Variants in PI4KA observed in about 807,000 individuals in gnomAD.
PI4KA encodes PI4-kinase alpha.
Under a neutral mutation model 271.4 loss-of-function variants are expected in PI4KA, and 122 were observed. The ratio of observed to expected loss-of-function variants is 0.45; its 90% CI spans 0.39 to 0.52. PI4KA has a LOEUF of 0.52. Among genes scored for constraint, PI4KA ranks in the 20% least tolerant of loss-of-function variants. PI4KA has a pLI of 0.00. For synonymous variants in PI4KA, 1,041 were observed against 1,078.8 expected (o/e 0.96, Z 0.69); for missense variants, 1,969 against 2,769.1 (o/e 0.71, Z 6.48).
chr22:20,794,428 G>A (rs969883124), intron 18 of PI4KA, among the ~76,000 whole-genome samples: 11 of 152,068 alleles, frequency 7.2e-5, no homozygotes, highest in African/African-American at 2.2e-4. Flanking sequence ...CTAGACACGC[G>A]GGACACACTT....
Position 20,729,397 on chromosome 22 carries a change from A to C in PI4KA, c.4598T>G (p.Ile1533Ser), listed in dbSNP as rs202017729. ...NSVANWRSKY[I>S]SLSEKQWKDN... ...CTTCCACTGCTTCTCACTCAGGCTGATGTACTTAGATCTCCAGTTGGCCAC... is the reference window on the plus strand; with the variant it reads ...CTTCCACTGCTTCTCACTCAGGCTGCTGTACTTAGATCTCCAGTTGGCCAC... The change falls in exon 39 of 55, where the codon ATC becomes AGC. Residue 1533 changes from isoleucine (I) to serine (S), a missense_variant. By Grantham distance (142) the Ile-to-Ser change is moderately radical. Coordinates refer to ENST00000255882, the MANE Select transcript of PI4KA (RefSeq NM_058004.4). 224 of 1,613,936 alleles carry C rather than the reference A, an allele frequency of 1.4e-4. 1 individual carries two copies. Among genetic ancestry groups the C allele is most frequent in the Non-Finnish European group, 1.9e-4 (219 of 1,179,986 alleles).
intron 1 of PI4KA, among the ~76,000 whole-genome samples, chr22:20,851,985 G>A (rs192173028): frequency 1.9e-4 from 29 of 152,204 alleles, no homozygotes; most frequent in African/African-American, 6.0e-4. Flanking sequence ...TTAGCCGGGC[G>A]TGGTGGCGGG....
intron 1 of PI4KA, among the ~76,000 whole-genome samples, chr22:20,844,959 T>C (rs1004477831): frequency 1.3e-5 from 2 of 152,172 alleles, no homozygotes; most frequent in Non-Finnish European, 2.9e-5. Context: ...GCAAGTTGTT[T>C]GTTTTTAGGG....
At chr22:20,765,026 GTTAATAA>G (rs1430889150) in intron 21 of PI4KA, 67 bp downstream of exon 21, 1 of 1,580,334 alleles carries the variant, frequency 6.3e-7, no homozygotes, top group Non-Finnish European at 8.6e-7. Context: ...GGCAACATGT[GTTAATAA>G]TGACAGTGAA....
intron 45 of PI4KA, among the ~76,000 whole-genome samples, chr22:20,715,407 TACTTAAATGTC>T (rs2147182739): frequency 6.6e-6 from 1 of 151,746 alleles, no homozygotes; most frequent in South Asian, 2.1e-4. Context: ...TCAAAAGGCT[TACTTAAATGTC>T]ACTATGTCCA....
chr22:20,842,457 T>C (rs1474304359), intron 1 of PI4KA, among the ~76,000 whole-genome samples: 1 of 152,162 alleles, frequency 6.6e-6, no homozygotes, highest in Non-Finnish European at 1.5e-5. Flanking sequence ...CACTGGTAAT[T>C]AAACAAAACT....
intron 19 of PI4KA, among the ~76,000 whole-genome samples, chr22:20,784,601 G>A (rs1189969569): frequency 6.6e-6 from 1 of 152,090 alleles, no homozygotes; most frequent in African/African-American, 2.4e-5. Flanking sequence ...CAGAATCAGC[G>A]ATGCTGAGCG....
intron 3 of PI4KA, among the ~76,000 whole-genome samples, chr22:20,832,641 G>A (rs1924343238): frequency 6.6e-6 from 1 of 152,062 alleles, no homozygotes; most frequent in Non-Finnish European, 1.5e-5. Flanking sequence ...TTTTAGTAGA[G>A]ATGGGGTTTC....
At chr22:20,722,628 A>T (rs59987153) in intron 42 of PI4KA, among the ~76,000 whole-genome samples, 4,629 of 152,172 alleles carry the variant, frequency 0.03, 91 homozygotes, top group Middle Eastern at 0.061. Context: ...AATTAAAAAA[A>T]TTTTTTTTGT....
intron 30 of PI4KA, among the ~76,000 whole-genome samples, chr22:20,743,814 G>A (rs1329849034): frequency 6.6e-6 from 1 of 152,028 alleles, no homozygotes; most frequent in Non-Finnish European, 1.5e-5. Context: ...CAGCAGTTTG[G>A]GAGGCCGAGG....
At chr22:20,790,705 C>A (rs12166824) in intron 19 of PI4KA, among the ~76,000 whole-genome samples, 1 of 113,682 alleles carries the variant, frequency 8.8e-6, no homozygotes, top group African/African-American at 4.7e-5. Context: ...AACAAACACA[C>A]ACACACACAC....
rs868408576 is a variant in PI4KA at position 20,720,046 on chromosome 22, A to C, written c.5117-1224T>G. Among the ~76,000 whole-genome samples, 7 of 150,762 alleles carry C rather than the reference A, an allele frequency of 4.6e-5. No homozygotes were observed. The South Asian group carries it at 1.3e-3, about 27-fold the overall frequency. On this transcript the variant is annotated intron_variant, in intron 43 of 54. Coordinates refer to ENST00000255882, the MANE Select transcript of PI4KA (RefSeq NM_058004.4). Reference sequence around the variant, plus strand: ...GTCTCAAAAAAAAAAAAAAAAAAAAAAAAAACCCTTTCTGGTAAGACTGGC... The same window carrying C: ...GTCTCAAAAAAAAAAAAAAAAAAAACAAAAACCCTTTCTGGTAAGACTGGC...
intron 23 of PI4KA, among the ~76,000 whole-genome samples, chr22:20,761,103 C>T (rs1322693393): frequency 4.6e-5 from 7 of 152,240 alleles, no homozygotes; most frequent in Non-Finnish European, 8.8e-5. Flanking sequence ...GAATGACCAT[C>T]CTTCTGTTCG....
chr22:20,729,909 GTGGACATGCCGC>G lies in PI4KA; in HGVS notation c.4379_4390del (p.Ser1460_Ser1463del). The G allele has an allele frequency of 1.2e-6, 2 of 1,614,198 alleles. No individual in the cohort carries two copies. The highest frequency in any genetic ancestry group is 1.7e-6 in the Non-Finnish European group (2 of 1,180,026). On this transcript the variant is annotated inframe_deletion, in exon 37 of 55. Transcript: ENST00000255882. ...CCACCGACCTGATTTCTTGGAGATGGTGGACATGCCGCTGGACAGGGGGTATGTGTTGATCCA... is the reference window on the plus strand; with the variant it reads ...CCACCGACCTGATTTCTTGGAGATGGTGGACAGGGGGTATGTGTTGATCCA...
intron 12 of PI4KA, 53 bp from the exon 13 acceptor site, chr22:20,803,373 T>A: frequency 6.2e-7 from 1 of 1,610,694 alleles, no homozygotes; most frequent in Non-Finnish European, 8.5e-7. Context: ...ACCATCTGAG[T>A]AGGCCCTGAG....
At chr22:20,729,596 G>A (rs1428739155) in intron 38 of PI4KA, 36 bp downstream of exon 38, 1 of 1,553,998 alleles carries the variant, frequency 6.4e-7, no homozygotes, top group Non-Finnish European at 8.7e-7. Flanking sequence ...CAGGCAGGTG[G>A]CGGGCAGCAG....
chr22:20,858,308 A>C (rs1927879832), intron 1 of PI4KA, among the ~76,000 whole-genome samples: 1 of 151,678 alleles, frequency 6.6e-6, no homozygotes, highest in South Asian at 2.1e-4. Flanking sequence ...AGCAGCTCAC[A>C]TCCCCCACCC....
intron 44 of PI4KA, 67 bp downstream of exon 44, chr22:20,718,626 C>T (rs1287006046): frequency 1.9e-6 from 3 of 1,556,874 alleles, no homozygotes; most frequent in East Asian, 2.2e-5. Flanking sequence ...GCTTCCCAGG[C>T]AATTCTGTTA....
At chr22:20,746,061 ATTT>A (rs58307079) in intron 29 of PI4KA, among the ~76,000 whole-genome samples, 175 of 71,598 alleles carry the variant, frequency 2.4e-3, no homozygotes, top group African/African-American at 9.1e-3. Flanking sequence ...AAAAAAAAGA[ATTT>A]TTTTTTTTTT....
Sources: allele counts gnomAD v4.1 joint callset (sites outside exome capture counted in the v4.1 genomes callset), GRCh38; gene constraint gnomAD v4.1.1; transcripts MANE v1.5; gene names NCBI Gene and HGNC (gene_info 2026-07-23, HGNC 2026-07-21).